PEMT: variants seen among roughly 807,000 people sequenced by gnomAD.
PEMT encodes phosphatidylethanolamine N-methyltransferase.
In PEMT, 23 loss-of-function variants were observed where a neutral mutation model predicts 27.4. The observed-to-expected ratio is 0.84, with a 90% CI of 0.60 to 1.19. The LOEUF (loss-of-function observed/expected upper bound fraction) is 1.19, where lower values mean the gene tolerates loss of function less well. Among genes scored for constraint, PEMT ranks in the 50% most tolerant of loss-of-function variants. The pLI, the probability that PEMT is intolerant of heterozygous loss-of-function variation, is 0.00. For synonymous variants in PEMT, 137 were observed against 139.1 expected (o/e 0.98, Z 0.11); for missense variants, 307 against 310.1 (o/e 0.99, Z 0.07).
At chr17:17,562,078 A>T (rs1910521411) in intron 2 of PEMT, among the ~76,000 whole-genome samples, 1 of 152,186 alleles carries the variant, frequency 6.6e-6, no homozygotes. Flanking sequence ...GCCGTGCTGC[A>T]GCTCGGGGCT....
intron 5 of PEMT, among the ~76,000 whole-genome samples, chr17:17,506,656 C>T (rs985789398): frequency 1.2e-4 from 18 of 152,212 alleles, no homozygotes; most frequent in African/African-American, 4.1e-4. Flanking sequence ...TGTTCATTCC[C>T]GCACAGGAGG....
chr17:17,577,800 G>A (rs971529855), intron 1 of PEMT, among the ~76,000 whole-genome samples: 1 of 152,010 alleles, frequency 6.6e-6, no homozygotes, highest in East Asian at 1.9e-4. Context: ...GGCGGATCAC[G>A]AGGTCAGGAG....
intron 2 of PEMT, among the ~76,000 whole-genome samples, chr17:17,543,033 T>C (rs746301451): frequency 1.3e-5 from 2 of 152,218 alleles, no homozygotes; most frequent in African/African-American, 2.4e-5. Context: ...ATCAGTTACT[T>C]AAACCCAGTG....
intron 2 of PEMT, among the ~76,000 whole-genome samples, chr17:17,568,904 G>A (rs1567736389): frequency 1.3e-5 from 2 of 152,060 alleles, no homozygotes; most frequent in African/African-American, 2.4e-5. Context: ...GCCACCTACC[G>A]TCTGGCCACC....
In PEMT at chr17:17,577,021, AG is replaced by A; in HGVS notation, c.102del (p.Phe35SerfsTer4). ...GLGNIDFRQA[D>X]FCVMTRLLGY... is the part of the protein sequence containing the mutation. ...CCCAGCAGCCGGGTCATAACGCAGA[AG>A]TCTGCCTGCAGGGACAGAGCTAGCA... On this transcript the variant is annotated frameshift_variant, in exon 2 of 7. Coordinates refer to ENST00000255389, the MANE Select transcript of PEMT (RefSeq NM_148172.3). LOFTEE classifies it high-confidence loss of function. 1 of 1,613,436 alleles carries A rather than the reference AG, an allele frequency of 6.2e-7. No individual in the cohort carries two copies. Among genetic ancestry groups the A allele is most frequent in the Non-Finnish European group, 8.5e-7 (1 of 1,179,530 alleles).
chr17:17,558,495 T>G (rs1597931070), intron 2 of PEMT, among the ~76,000 whole-genome samples: 2 of 140,208 alleles, frequency 1.4e-5, no homozygotes, highest in South Asian at 2.2e-4. Flanking sequence ...GCAACAAGAG[T>G]GAAACTCTAT....
At chr17:17,510,921 C>T (rs1163887142) in intron 4 of PEMT, among the ~76,000 whole-genome samples, 1 of 152,184 alleles carries the variant, frequency 6.6e-6, no homozygotes, top group Non-Finnish European at 1.5e-5. Context: ...AGCCCGGAGT[C>T]CCCCTTCCCA....
rs556131049 is a variant in PEMT at position 17,531,322 on chromosome 17, A to AT, written c.205-8928dup. 1.6e-4 allele frequency among the ~76,000 whole-genome samples: 24 copies of AT among 149,626 alleles called. No individual in the cohort carries two copies. In the East Asian group the frequency reaches 4.6e-3, roughly 29 times the overall value. On this transcript the variant is annotated intron_variant, in intron 2 of 6. Coordinates refer to ENST00000255389, the MANE Select transcript of PEMT (RefSeq NM_148172.3). ...GCTGAGGTTGCTAGGACACTAACGC[A>AT]TTATTCTGAAATGGTTTTTTTTTTC...
intron 2 of PEMT, among the ~76,000 whole-genome samples, chr17:17,558,189 A>AAC (rs59657645): frequency 0.077 from 11,630 of 150,158 alleles, 490 homozygotes; most frequent in South Asian, 0.094. Flanking sequence ...CACACATACA[A>AAC]ACACACACAC....
At chr17:17,545,852 C>T (rs1224216317) in intron 2 of PEMT, among the ~76,000 whole-genome samples, 2 of 152,146 alleles carry the variant, frequency 1.3e-5, no homozygotes, top group African/African-American at 2.4e-5. Flanking sequence ...TTTGGAGGTT[C>T]GTCCTCTCTA....
chr17:17,564,713 A>AG (rs1481259503), intron 2 of PEMT, among the ~76,000 whole-genome samples: 1 of 152,160 alleles, frequency 6.6e-6, no homozygotes, highest in African/African-American at 2.4e-5. Flanking sequence ...CAGCTGCCCA[A>AG]GGGGGACAGT....
chr17:17,547,423 G>T (rs184488679), intron 2 of PEMT, among the ~76,000 whole-genome samples: 1 of 152,226 alleles, frequency 6.6e-6, no homozygotes, highest in Admixed American at 6.5e-5. Flanking sequence ...CCAGAGATGC[G>T]CTCGCCAAAG....
At chr17:17,535,501 G>T (rs928244389) in intron 2 of PEMT, among the ~76,000 whole-genome samples, 1 of 151,574 alleles carries the variant, frequency 6.6e-6, no homozygotes, top group Non-Finnish European at 1.5e-5. Flanking sequence ...AGGAGACGAG[G>T]TTACAGTGAG....
intron 2 of PEMT, among the ~76,000 whole-genome samples, chr17:17,536,087 T>A (rs1424818390): frequency 6.6e-6 from 1 of 152,232 alleles, no homozygotes; most frequent in Non-Finnish European, 1.5e-5. Context: ...CTGCACTGAC[T>A]GTGGCATGCA....
intron 1 of PEMT, among the ~76,000 whole-genome samples, chr17:17,585,365 G>A (rs1912191638): frequency 6.6e-6 from 1 of 152,086 alleles, no homozygotes; most frequent in Non-Finnish European, 1.5e-5. Context: ...ACAAAAAGAA[G>A]TGAGGTGAGG....
intron 2 of PEMT, among the ~76,000 whole-genome samples, chr17:17,549,476 T>C (rs1391165924): frequency 2.0e-5 from 3 of 152,164 alleles, no homozygotes; most frequent in African/African-American, 4.8e-5. Context: ...GTGTGACTTT[T>C]ATATTTTTTT....
intron 2 of PEMT, among the ~76,000 whole-genome samples, chr17:17,536,014 T>C (rs1238139215): frequency 1.3e-5 from 2 of 152,196 alleles, no homozygotes; most frequent in Non-Finnish European, 2.9e-5. Context: ...GACTCCCTTA[T>C]TCTGCCACTG....
At position 17,512,765 on chromosome 17, in the gene PEMT, G is replaced by A; in HGVS notation, c.321-111C>T. On this transcript the variant is annotated intron_variant, in intron 3 of 6. Transcript: ENST00000255389. The surrounding 1 kb of genome is among the most constrained non-coding windows in gnomAD (Gnocchi z 6.3). ...TCTCCCCAGGGACCCTTAGAGAGTA[G>A]CCAGCCCAGGGCTGCCAGGCCAGGC... The A allele has an allele frequency of 1.8e-6, 2 of 1,091,860 alleles. No homozygotes were observed. Among genetic ancestry groups the A allele is most frequent in the Non-Finnish European group, 2.4e-6 (2 of 831,476 alleles). The allele number at this position is 1,091,860 out of a possible 1,614,324, so 67.6% of individuals were successfully genotyped here.
chr17:17,547,329 G>A (rs1035525549), intron 2 of PEMT, among the ~76,000 whole-genome samples: 2 of 152,244 alleles, frequency 1.3e-5, no homozygotes, highest in African/African-American at 2.4e-5. Context: ...AGGCCCTGGG[G>A]CACTAGGGCA....
Sources: gnomAD v4.1 joint callset for allele counts (sites outside exome capture counted in the v4.1 genomes callset) on GRCh38, gnomAD v4.1.1 for gene constraint, Gnocchi (gnomAD v3.1) non-coding constraint, MANE v1.5 for transcripts, NCBI Gene and HGNC (gene_info 2026-07-23, HGNC 2026-07-21) for gene names.